Variants in TENM4 observed in about 807,000 individuals in gnomAD.
TENM4 encodes the protein teneurin-4.
Under a neutral mutation model 243.3 loss-of-function variants are expected in TENM4, and 82 were observed. The observed-to-expected ratio is 0.34, with a 90% CI of 0.28 to 0.40. The LOEUF (loss-of-function observed/expected upper bound fraction) is 0.40, where lower values mean the gene tolerates loss of function less well. TENM4 is among the 10% of genes least tolerant of loss of function. The pLI is 1.00. For synonymous variants in TENM4, 1,412 were observed against 1,456.3 expected, an observed-to-expected ratio of 0.97 and a Z score of 0.69; for missense variants, 3,138 against 3,673.3, an observed-to-expected ratio of 0.85 and a Z score of 3.77.
At chr11:79,097,769 C>G (rs1284603825) in intron 4 of TENM4, 3 of 151,428 alleles carry the variant, frequency 2.0e-5, no homozygotes, top group Non-Finnish European at 4.4e-5. Context: ...TTTGGGGATA[C>G]AGTAGATGAT....
At chr11:79,242,298 GGTGAT>G (rs1855435759) in intron 2 of TENM4, among the ~76,000 whole-genome samples, 1 of 152,072 alleles carries the variant, frequency 6.6e-6, no homozygotes, top group South Asian at 2.1e-4. Flanking sequence ...TCAGACTAAT[GGTGAT>G]GTTTTTTTCC....
chr11:79,109,405 G>T (rs941441015), intron 4 of TENM4, among the ~76,000 whole-genome samples: 2 of 152,084 alleles, frequency 1.3e-5, no homozygotes, highest in South Asian at 4.1e-4. Context: ...TTTTTTGTGT[G>T]TGCCTTTGAA....
At chr11:78,986,948 T>C (rs1857933905) in intron 6 of TENM4, among the ~76,000 whole-genome samples, 1 of 152,188 alleles carries the variant, frequency 6.6e-6, no homozygotes, top group African/African-American at 2.4e-5. Context: ...CAAATGAAGA[T>C]AATTATATTC....
At chr11:79,141,925 G>A (rs1293161997) in intron 4 of TENM4, among the ~76,000 whole-genome samples, 1 of 151,960 alleles carries the variant, frequency 6.6e-6, no homozygotes, top group Non-Finnish European at 1.5e-5. Flanking sequence ...TGCTGAAAAG[G>A]CATTTGACAA....
Position 78,854,173 on chromosome 11 carries a change from T to C in TENM4, c.1612A>G (p.Ile538Val), listed in dbSNP as rs1858614918. ...TGFIQYLDSG[I>V]WHLAFYNDGK... ...TCATTGTAAAAAGCCAAGTGCCAGA[T>C]TCCTGAATCCAAATACTGGATGAAG... Residue 538 changes from isoleucine (I) to valine (V), a missense_variant, in exon 12 of 34, where the codon ATC becomes GTC. Physicochemically the swap from Ile to Val is conservative, Grantham distance 29. Around this residue, in one of 2 missense-constraint regions of TENM4, gnomAD observed 2,467 missense variants for 3,059.1 expected, o/e 0.81. Transcript: ENST00000278550. 1 of 1,551,736 alleles carries C rather than the reference T, an allele frequency of 6.4e-7. No individual in the cohort carries two copies. The highest frequency in any genetic ancestry group is 8.7e-7 in the Non-Finnish European group (1 of 1,146,988).
chr11:79,365,266 TAAAG>T (rs1177706000), intron 1 of TENM4, among the ~76,000 whole-genome samples: 1 of 152,142 alleles, frequency 6.6e-6, no homozygotes. Flanking sequence ...TCCTAAAGAA[TAAAG>T]AGTTTGCTGG....
chr11:79,001,170 A>G (rs1858313660), intron 6 of TENM4, among the ~76,000 whole-genome samples: 1 of 152,250 alleles, frequency 6.6e-6, no homozygotes, highest in African/African-American at 2.4e-5. Flanking sequence ...TATAGGAAAC[A>G]TACTTTAGAT....
intron 4 of TENM4, among the ~76,000 whole-genome samples, chr11:79,136,418 A>G (rs1216143942): frequency 6.6e-6 from 1 of 152,168 alleles, no homozygotes; most frequent in Non-Finnish European, 1.5e-5. Context: ...CAATGTGGCC[A>G]TGGTGGCAGG....
At chr11:79,145,387 T>G (rs1230354107) in intron 4 of TENM4, among the ~76,000 whole-genome samples, 1 of 152,066 alleles carries the variant, frequency 6.6e-6, no homozygotes, top group Non-Finnish European at 1.5e-5. Context: ...TTGCACTCCT[T>G]CCCATTTACC....
intron 1 of TENM4, among the ~76,000 whole-genome samples, chr11:79,314,464 T>G (rs1482381759): frequency 2.0e-5 from 3 of 152,188 alleles, no homozygotes; most frequent in Non-Finnish European, 4.4e-5. Context: ...GGAAGCCTGG[T>G]GGTGCCAGTT....
chr11:79,161,453 G>T (rs576070240), intron 3 of TENM4, among the ~76,000 whole-genome samples: 1 of 152,286 alleles, frequency 6.6e-6, no homozygotes, highest in South Asian at 2.1e-4. Flanking sequence ...ACTGGATTAG[G>T]GTGGGCTCTA....
chr11:78,824,148 C>G (rs2136129276), intron 12 of TENM4, among the ~76,000 whole-genome samples: 1 of 152,332 alleles, frequency 6.6e-6, no homozygotes, highest in East Asian at 1.9e-4. Context: ...CTGTATTAGT[C>G]TGTCCTCATG....
At chr11:79,234,484 C>T (rs1187117692) in intron 2 of TENM4, among the ~76,000 whole-genome samples, 1 of 142,136 alleles carries the variant, frequency 7.0e-6, no homozygotes, top group Non-Finnish European at 1.5e-5. Context: ...TCCATTAGCT[C>T]ACAAAGGCCT....
chr11:79,021,373 A>G (rs969312860), intron 6 of TENM4, among the ~76,000 whole-genome samples: 1 of 152,198 alleles, frequency 6.6e-6, no homozygotes, highest in African/African-American at 2.4e-5. Flanking sequence ...CTAACCCTAA[A>G]AAAAGGATTC....
In TENM4 at chr11:78,869,816, A is replaced by T. The variant is rs377488538; in HGVS notation, c.1085-6684T>A. 2.6e-4 allele frequency among the ~76,000 whole-genome samples: 40 copies of T among 152,130 alleles called. No individual in the cohort carries two copies. In the South Asian group the frequency reaches 2.7e-3, roughly 10 times the overall value. ...ATGCCTGAAAACTACATTACAATTT[A>T]AAAAAAAATTTTAAGACAAAGATTT... On this transcript the variant is annotated intron_variant, in intron 9 of 33. Coordinates refer to ENST00000278550, the MANE Select transcript of TENM4 (RefSeq NM_001098816.3).
chr11:79,355,456 C>T (rs1857480120), intron 1 of TENM4, among the ~76,000 whole-genome samples: 3 of 152,176 alleles, frequency 2.0e-5, no homozygotes, highest in Admixed American at 2.0e-4. Context: ...TTGCTTGAAC[C>T]TGGGAAGCAG....
chr11:79,416,835 T>C (rs1204313170), intron 1 of TENM4, among the ~76,000 whole-genome samples: 2 of 151,568 alleles, frequency 1.3e-5, no homozygotes, highest in Non-Finnish European at 2.9e-5. Flanking sequence ...GCGTCTTCTA[T>C]CTCAGGTACA....
chr11:79,039,545 T>G (rs1241426841), intron 6 of TENM4, among the ~76,000 whole-genome samples: 1 of 152,178 alleles, frequency 6.6e-6, no homozygotes, highest in African/African-American at 2.4e-5. Context: ...TGGTCCCCAG[T>G]AGAACTCCTC....
chr11:78,899,585 A>G (rs1197851781), intron 7 of TENM4, among the ~76,000 whole-genome samples: 3 of 150,324 alleles, frequency 2.0e-5, no homozygotes, highest in Non-Finnish European at 4.4e-5. Context: ...AAGAAAAAAG[A>G]AAGAAAATTT....
Sources: gnomAD v4.1 joint callset for allele counts (sites outside exome capture counted in the v4.1 genomes callset) on GRCh38, gnomAD v4.1.1 for gene constraint, gnomAD v4.1.1 regional missense constraint, MANE v1.5 for transcripts, NCBI Gene and HGNC (gene_info 2026-07-23, HGNC 2026-07-21) for gene names.